MRC1: variants seen among roughly 807,000 people sequenced by gnomAD.
The protein encoded by MRC1 is macrophage mannose receptor 1.
A neutral mutation model predicts 102.9 loss-of-function variants in MRC1; 62 were observed. The ratio of observed to expected loss-of-function variants is 0.60; its 90% CI spans 0.49 to 0.74. MRC1 has a LOEUF of 0.74. Among genes scored for constraint, MRC1 ranks in the 30% least tolerant of loss-of-function variants. The pLI, the probability that MRC1 is intolerant of heterozygous loss-of-function variation, is 0.00. For missense variants in MRC1, 1,237 were observed against 862.8 expected (o/e 1.43, Z -5.43); for synonymous variants, 457 against 298.4 (o/e 1.53, Z -5.48).
chr10:17,871,663 G>GA (rs1833356831), intron 14 of MRC1, among the ~76,000 whole-genome samples: 2 of 152,156 alleles, frequency 1.3e-5, no homozygotes, highest in Non-Finnish European at 2.9e-5. Flanking sequence ...CCAACACTGA[G>GA]AAGTGGAACT....
intron 29 of MRC1, 35 bp downstream of exon 29, chr10:17,909,382 G>T: frequency 2.4e-6 from 2 of 847,440 alleles, no homozygotes; most frequent in Non-Finnish European, 4.2e-6. Flanking sequence ...TTCTGTGTTA[G>T]TAATACATCC....
At chr10:17,877,772 C>A in intron 17 of MRC1, 128 bp from the exon 18 acceptor site, 2 of 764,076 alleles carry the variant, frequency 2.6e-6, no homozygotes, top group South Asian at 1.4e-5. Flanking sequence ...GAATGTACTA[C>A]ATTTCTGCAG....
chr10:17,893,676 AC>A (rs1833712557), intron 22 of MRC1, among the ~76,000 whole-genome samples: 1 of 152,230 alleles, frequency 6.6e-6, no homozygotes, highest in Non-Finnish European at 1.5e-5. Context: ...TCACAACCAA[AC>A]AAATATAATA....
Position 17,811,915 on chromosome 10 carries a change from C to T in MRC1, c.61+2389C>T, listed in dbSNP as rs908513003. Among the ~76,000 whole-genome samples the T allele has an allele frequency of 4.6e-5, 7 of 152,072 alleles. No homozygotes were observed. The South Asian group carries it at 8.3e-4, about 18-fold the overall frequency. On this transcript the variant is annotated intron_variant, in intron 1 of 29. Transcript: ENST00000569591. Reference sequence around the variant, plus strand: ...ACTTTTATTTTATCTTTTCTTGGCCCGAGAAGCATGTGATTGGAGGAATTT... The same window carrying T: ...ACTTTTATTTTATCTTTTCTTGGCCTGAGAAGCATGTGATTGGAGGAATTT...
intron 26 of MRC1, among the ~76,000 whole-genome samples, chr10:17,903,397 T>TTC (rs1554843769): frequency 1.7e-4 from 23 of 136,460 alleles, no homozygotes; most frequent in South Asian, 5.0e-4. Flanking sequence ...TTTTTCTTTT[T>TTC]TTTTTTTTTT....
Position 17,849,633 on chromosome 10 carries a change from G to A in MRC1, c.1118G>A (p.Cys373Tyr). Residue 373 changes from cysteine (C) to tyrosine (Y), a missense_variant, in exon 7 of 30, where the codon TGT (cysteine) becomes TAT (tyrosine). By Grantham distance (194) the Cys-to-Tyr change is radical. Transcript: ENST00000569591. ...PSQWWPYAGH[C>Y]YKIHRDEKKI... ...CAGTGGTGGCCGTATGCCGGTCACTGTTACAAGATTCACAGAGATGAGAAA... is the reference window on the plus strand; with the variant it reads ...CAGTGGTGGCCGTATGCCGGTCACTATTACAAGATTCACAGAGATGAGAAA... The A allele has an allele frequency of 1.3e-6, 1 of 780,912 alleles. No individual in the cohort carries two copies. Among genetic ancestry groups the A allele is most frequent in the Non-Finnish European group, 2.4e-6 (1 of 418,086 alleles). The allele number at this position is 780,912 out of a possible 1,614,324, so 48.4% of individuals were successfully genotyped here.
Position 17,845,421 on chromosome 10 carries a change from T to C in MRC1, c.1049T>C (p.Phe350Ser), listed in dbSNP as rs1554840150. ...CKKGNTTLNS[F>S]VIPSESDVPT... ...AAGGGCAACACCACTTTAAATTCTT[T>C]TGTTATTCCCTCAGGTAAGTGATCT... Residue 350 changes from phenylalanine (F) to serine (S), a missense_variant, in exon 6 of 30, where the codon TTT becomes TCT. Physicochemically the swap from Phe to Ser is radical, Grantham distance 155. Transcript: ENST00000569591. The C allele has an allele frequency of 2.6e-6, 2 of 780,884 alleles. No homozygotes were observed. The highest frequency in any genetic ancestry group is 4.8e-6 in the Non-Finnish European group (2 of 417,968). The allele number at this position is 780,884 out of a possible 1,614,324, so 48.4% of individuals were successfully genotyped here.
intron 12 of MRC1, among the ~76,000 whole-genome samples, chr10:17,867,306 C>CTTCCTCCTTCCTTCTTCT (rs1833285966): frequency 1.5e-5 from 2 of 137,312 alleles, no homozygotes; most frequent in African/African-American, 5.1e-5. Context: ...TTCCTTCTTC[C>CTTCCTCCTTCCTTCTTCT]TTCTTCCTCC....
chr10:17,887,187 A>T (rs1241235655), intron 22 of MRC1, among the ~76,000 whole-genome samples: 2 of 152,278 alleles, frequency 1.3e-5, no homozygotes, highest in East Asian at 3.9e-4. Flanking sequence ...CAGGAGATCG[A>T]GACCATCCTG....
intron 2 of MRC1, among the ~76,000 whole-genome samples, chr10:17,824,236 C>G (rs1426670789): frequency 6.6e-6 from 1 of 152,142 alleles, no homozygotes; most frequent in Non-Finnish European, 1.5e-5. Context: ...AAATACAACA[C>G]AACTTGAAGG....
intron 3 of MRC1, among the ~76,000 whole-genome samples, chr10:17,832,472 G>T (rs1254840693): frequency 6.7e-6 from 1 of 150,218 alleles, no homozygotes; most frequent in African/African-American, 2.5e-5. Flanking sequence ...GGAGAATGGC[G>T]TGAACCCGGG....
At chr10:17,857,992 C>G (rs563471873) in intron 9 of MRC1, among the ~76,000 whole-genome samples, 3 of 152,072 alleles carry the variant, frequency 2.0e-5, no homozygotes, top group Non-Finnish European at 4.4e-5. Flanking sequence ...GTGGCAACCC[C>G]ACAGGTGAGA....
At chr10:17,874,445 A>G (rs1052748974) in intron 16 of MRC1, among the ~76,000 whole-genome samples, 105 of 152,300 alleles carry the variant, frequency 6.9e-4, no homozygotes, top group African/African-American at 2.5e-3. Context: ...GCTCACCTAG[A>G]TGATCCAAGA....
Position 17,809,665 on chromosome 10 carries a change from G to A in MRC1, c.61+139G>A, listed in dbSNP as rs978302836. Reference sequence around the variant, plus strand: ...GTTCCCCTGCACCACGCAGTCCACGGCTAAGCCTGCTGCCTTCACCTGGCG... The same window carrying A: ...GTTCCCCTGCACCACGCAGTCCACGACTAAGCCTGCTGCCTTCACCTGGCG... On this transcript the variant is annotated intron_variant, in intron 1 of 29. Transcript: ENST00000569591. 5.2e-5 allele frequency: 39 copies of A among 754,516 alleles called. No individual in the cohort carries two copies. The East Asian group carries it at 9.3e-4, about 18-fold the overall frequency. 46.7% of individuals were successfully genotyped at this position (754,516 alleles called of 1,614,324 possible). A position where few individuals can be genotyped will look rare whatever the true frequency, so the allele number is the denominator to read the frequency against.
chr10:17,906,095 A>G (rs917966356), intron 26 of MRC1, among the ~76,000 whole-genome samples: 1 of 152,214 alleles, frequency 6.6e-6, no homozygotes, highest in East Asian at 1.9e-4. Flanking sequence ...GAATGGTCCT[A>G]TACATAACAG....
intron 17 of MRC1, among the ~76,000 whole-genome samples, 166 bp from the exon 18 acceptor site, chr10:17,877,734 T>C (rs1310576732): frequency 1.3e-5 from 2 of 152,142 alleles, no homozygotes; most frequent in Non-Finnish European, 2.9e-5. Context: ...TGTGCATTTT[T>C]TTTTATTTCT....
chr10:17,860,425 G>T (rs1471734029), intron 9 of MRC1, among the ~76,000 whole-genome samples: 1 of 151,988 alleles, frequency 6.6e-6, no homozygotes, highest in African/African-American at 2.4e-5. Context: ...ACAGGCACAT[G>T]CCATCATGCC....
At position 17,863,575 on chromosome 10, in the gene MRC1, C is replaced by T; in HGVS notation, c.1676C>T (p.Pro559Leu). The change falls in exon 11 of 30, where the codon CCT becomes CTT. Residue 559 changes from proline (P) to leucine (L), a missense_variant. Coordinates refer to ENST00000569591, the MANE Select transcript of MRC1 (RefSeq NM_002438.4). ...CTGACTAGTTTCGTTGGCTTAAGGC[C>T]TGAAAAATATTTCTGGACAGGACTT... ...AFLTSFVGLR[P>L]EKYFWTGLSD... is the part of the protein sequence containing the mutation. 2.6e-6 allele frequency: 2 copies of T among 780,742 alleles called. No homozygotes were observed. Among genetic ancestry groups the T allele is most frequent in the Non-Finnish European group, 4.8e-6 (2 of 417,930 alleles). 48.4% of individuals were successfully genotyped at this position (780,742 alleles called of 1,614,324 possible).
At chr10:17,903,129 A>G (rs1489898512) in intron 26 of MRC1, among the ~76,000 whole-genome samples, 2 of 152,086 alleles carry the variant, frequency 1.3e-5, no homozygotes, top group African/African-American at 4.8e-5. Context: ...TTGAATCTCA[A>G]GCGTCTTTTT....
Sources: gnomAD v4.1 joint callset for allele counts (sites outside exome capture counted in the v4.1 genomes callset) on GRCh38, gnomAD v4.1.1 for gene constraint, MANE v1.5 for transcripts, NCBI Gene and HGNC (gene_info 2026-07-23, HGNC 2026-07-21) for gene names.